TPR: variants seen among roughly 807,000 people sequenced by gnomAD.
TPR encodes the protein nucleoprotein TPR.
TPR carries 51 observed loss-of-function variants against 316.1 expected under a neutral mutation model. The observed-to-expected ratio is 0.16, with a 90% CI of 0.13 to 0.20. The LOEUF (loss-of-function observed/expected upper bound fraction) is 0.20, where lower values mean the gene tolerates loss of function less well. Among genes scored for constraint, TPR ranks in the 10% least tolerant of loss-of-function variants. TPR has a pLI of 1.00. For missense variants in TPR, 2,272 were observed against 2,754.8 expected, an observed-to-expected ratio of 0.82 and a Z score of 3.92; for synonymous variants, 981 against 914.7, an observed-to-expected ratio of 1.07 and a Z score of -1.31.
At chr1:186,351,299 C>A in intron 20 of TPR, 31 bp downstream of exon 20, 1 of 1,579,078 alleles carries the variant, frequency 6.3e-7, no homozygotes, top group South Asian at 1.2e-5. Flanking sequence ...CATAAACACC[C>A]TACAGAAATT....
In TPR at chr1:186,320,354, T is replaced by C; in HGVS notation, c.6526A>G (p.Ser2176Gly). Residue 2176 changes from serine to glycine, a missense_variant, in exon 46 of 51, where the codon AGT becomes GGT. By Grantham distance (56) the Ser-to-Gly change is moderately conservative. Coordinates refer to ENST00000367478, the MANE Select transcript of TPR (RefSeq NM_003292.3). ...FGPPEDMPQT[S>G]SSHSDLGQLA... ...TGGCCAAGATCAGAGTGACTAGAAC[T>C]TGTTTGTGGCATATCTTCAGGTGGC... The C allele has an allele frequency of 1.2e-6, 2 of 1,613,344 alleles. No homozygotes were observed. Among genetic ancestry groups the C allele is most frequent in the Non-Finnish European group, 1.7e-6 (2 of 1,179,526 alleles).
At chr1:186,332,141 A>T in intron 38 of TPR, 54 bp downstream of exon 38, 1 of 1,536,722 alleles carries the variant, frequency 6.5e-7, no homozygotes, top group South Asian at 1.3e-5. Context: ...AGCTGAAAAG[A>T]GTACCTTAAC....
At position 186,333,260 on chromosome 1, in the gene TPR, T is replaced by A; in HGVS notation, c.5317A>T (p.Thr1773Ser). 1 of 1,613,764 alleles carries A rather than the reference T, an allele frequency of 6.2e-7. No homozygotes were observed. Among genetic ancestry groups the A allele is most frequent in the Non-Finnish European group, 8.5e-7 (1 of 1,179,714 alleles). The change falls in exon 37 of 51, where the codon ACA becomes TCA. Residue 1773 changes from threonine (T) to serine (S), a missense_variant. By Grantham distance (58) the Thr-to-Ser change is moderately conservative (BLOSUM62 1). Transcript: ENST00000367478. The stretch of plus-strand genomic sequence containing the variant: ...TGTTGAGTGGGTTGCACAAAAGCTG[T>A]AGCCTGTGTTTGTTGCTGAACAGTT... ...ILTVQQQTQA[T>S]AFVQPTQQSH...
chr1:186,344,150 C>T, intron 25 of TPR, 60 bp from the exon 26 acceptor site: 3 of 1,545,274 alleles, frequency 1.9e-6, no homozygotes, highest in Non-Finnish European at 2.6e-6. Flanking sequence ...AAAAAAACAA[C>T]TTGGCCAGGC....
At chr1:186,344,926 C>CAT (rs1012561603) in intron 24 of TPR, among the ~76,000 whole-genome samples, 2 of 152,026 alleles carry the variant, frequency 1.3e-5, no homozygotes, top group African/African-American at 4.8e-5. Flanking sequence ...ATACACGTCA[C>CAT]ATATATATAG....
chr1:186,347,180 A>C (rs917808123), intron 22 of TPR, 112 bp downstream of exon 22: 2 of 1,160,496 alleles, frequency 1.7e-6, no homozygotes, highest in African/African-American at 3.1e-5. Context: ...GGTTAAAGGC[A>C]ATGACCCTGG....
At position 186,312,586 on chromosome 1, in the gene TPR, T is replaced by G; in HGVS notation, c.*1385A>C. The stretch of plus-strand genomic sequence containing the variant: ...AAGTAAAGCAGTTTGTTCAGGTTTG[T>G]TAGTTATAACCAATACTATTTATCA... On this transcript the variant is annotated 3_prime_UTR_variant, in exon 51 of 51. Coordinates refer to ENST00000367478, the MANE Select transcript of TPR (RefSeq NM_003292.3). 1.3e-6 allele frequency: 1 copy of G among 783,664 alleles called. No individual in the cohort carries two copies. The highest frequency in any genetic ancestry group is 2.0e-6 in the Non-Finnish European group (1 of 497,992). The allele number at this position is 783,664 out of a possible 1,614,324, so 48.5% of individuals were successfully genotyped here.
At chr1:186,371,430 A>G (rs1047632117) in intron 2 of TPR, among the ~76,000 whole-genome samples, 1 of 152,186 alleles carries the variant, frequency 6.6e-6, no homozygotes, top group Non-Finnish European at 1.5e-5. Context: ...AAGCATTTAA[A>G]CTATATAACA....
intron 33 of TPR, 102 bp from the exon 34 acceptor site, chr1:186,335,645 T>C: frequency 1.2e-6 from 1 of 857,422 alleles, no homozygotes; most frequent in Non-Finnish European, 1.8e-6. Context: ...TCTACTACTA[T>C]AACATCTACA....
Position 186,360,808 on chromosome 1 carries a change from T to C in TPR, c.1056A>G (p.Glu352=). The C allele has an allele frequency of 2.5e-6, 4 of 1,613,048 alleles. No individual in the cohort carries two copies. Among genetic ancestry groups the C allele is most frequent in the Non-Finnish European group, 3.4e-6 (4 of 1,179,322 alleles). ...MLEKIGRLEK[E]LENANDLLSA... ...AAAGAAGGTCATTTGCATTCTCTAA[T>C]TCCTTCTCCAATCTCCCTATTTTCT... The change falls in exon 10 of 51, where the codon GAA becomes GAG. Residue 352 remains glutamate (E), a synonymous_variant. Transcript: ENST00000367478.
chr1:186,344,195 G>A, intron 25 of TPR, 105 bp from the exon 26 acceptor site: 1 of 1,422,326 alleles, frequency 7.0e-7, no homozygotes, highest in Non-Finnish European at 9.4e-7. Flanking sequence ...GACTACTTGG[G>A]AGGCTGAGGC....
chr1:186,348,856 T>C (rs1392640463), intron 21 of TPR, among the ~76,000 whole-genome samples: 1 of 152,154 alleles, frequency 6.6e-6, no homozygotes, highest in African/African-American at 2.4e-5. Flanking sequence ...GTACATAAAA[T>C]AGGCAGAAAA....
At position 186,314,722 on chromosome 1, in the gene TPR, T is replaced by A; in HGVS notation, c.6943A>T (p.Thr2315Ser). 6.2e-7 allele frequency: 1 copy of A among 1,601,756 alleles called. No individual in the cohort carries two copies. The highest frequency in any genetic ancestry group is 1.3e-5 in the African/African-American group (1 of 74,446). The change falls in exon 50 of 51, where the codon ACT becomes TCT. Residue 2315 changes from threonine to serine, a missense_variant and splice_region_variant. By Grantham distance (58) the Thr-to-Ser change is moderately conservative. Coordinates refer to ENST00000367478, the MANE Select transcript of TPR (RefSeq NM_003292.3). Reference sequence around the variant, plus strand: ...AAAGGCTTTGGTTGACTACTACTAGTATCTAAGAAAAACATTAAGATAAAA... The same window carrying A: ...AAAGGCTTTGGTTGACTACTACTAGAATCTAAGAAAAACATTAAGATAAAA... ...QDPPSSSSVD[T>S]SSSQPKPFRR...
Position 186,360,894 on chromosome 1 carries a change from T to C in TPR, c.970A>G (p.Ile324Val). 6.2e-7 allele frequency: 1 copy of C among 1,605,366 alleles called. No individual in the cohort carries two copies. Among genetic ancestry groups the C allele is most frequent in the Non-Finnish European group, 8.5e-7 (1 of 1,177,238 alleles). Residue 324 changes from isoleucine to valine, a missense_variant, in exon 10 of 51, where the codon ATA (isoleucine) becomes GTA (valine). Around this residue, in one of 10 missense-constraint regions of TPR, gnomAD observed 549 missense variants for 598.6 expected, o/e 0.92. Coordinates refer to ENST00000367478, the MANE Select transcript of TPR (RefSeq NM_003292.3). ...TCCACCTCTAGAAGATGATCTTGTATTGCTTTGTTGGCTAAAAAACAATTT... is the reference window on the plus strand; with the variant it reads ...TCCACCTCTAGAAGATGATCTTGTACTGCTTTGTTGGCTAAAAAACAATTT... Reference protein sequence around the residue: ...LKEAGEANKAIQDHLLEVEQS... With the variant: ...LKEAGEANKAVQDHLLEVEQS...
chr1:186,335,722 C>T (rs1250491406), intron 33 of TPR, among the ~76,000 whole-genome samples, 179 bp from the exon 34 acceptor site: 2 of 152,034 alleles, frequency 1.3e-5, no homozygotes, highest in Non-Finnish European at 2.9e-5. Flanking sequence ...TAACTTATTA[C>T]TAGAATATAA....
chr1:186,352,227 T>G (rs941181367), intron 18 of TPR, 117 bp from the exon 19 acceptor site: 1 of 894,486 alleles, frequency 1.1e-6, no homozygotes, highest in African/African-American at 1.7e-5. Context: ...TCTTAGGGAC[T>G]ATATCTCCTC....
intron 45 of TPR, 40 bp from the exon 46 acceptor site, chr1:186,320,458 T>A: frequency 6.5e-7 from 1 of 1,547,440 alleles, no homozygotes; most frequent in South Asian, 1.2e-5. Context: ...AATTTAAAGT[T>A]AACCTATTTA....
At position 186,325,837 on chromosome 1, in the gene TPR, A is replaced by C; in HGVS notation, c.6039T>G (p.Asp2013Glu). The C allele has an allele frequency of 6.2e-7, 1 of 1,613,580 alleles. No homozygotes were observed. Among genetic ancestry groups the C allele is most frequent in the Non-Finnish European group, 8.5e-7 (1 of 1,179,712 alleles). Residue 2013 changes from aspartate (D) to glutamate (E), a missense_variant, in exon 42 of 51, where the codon GAT (aspartate) becomes GAG (glutamate). By Grantham distance (45) the Asp-to-Glu change is conservative. Around this residue, in one of 10 missense-constraint regions of TPR, gnomAD observed 435 missense variants for 461.1 expected, o/e 0.94. Coordinates refer to ENST00000367478, the MANE Select transcript of TPR (RefSeq NM_003292.3). Reference sequence around the variant, plus strand: ...TACTTTCTTCTGTTTCTGTACCTGGATCAGTCCCATCACCACCCTAAAAAC... The same window carrying C: ...TACTTTCTTCTGTTTCTGTACCTGGCTCAGTCCCATCACCACCCTAAAAAC... Reference protein sequence around the residue: ...ADDAEGGDGTDPGTETEESMG... With the variant: ...ADDAEGGDGTEPGTETEESMG...
chr1:186,343,997 C>T lies in TPR; in HGVS notation c.3511G>A (p.Val1171Ile), dbSNP rs200062723. The change falls in exon 26 of 51, where the codon GTT becomes ATT. Residue 1171 changes from valine to isoleucine, a missense_variant. Around this residue, in one of 10 missense-constraint regions of TPR, gnomAD observed 757 missense variants for 859.8 expected, o/e 0.88. Transcript: ENST00000367478. The stretch of plus-strand genomic sequence containing the variant: ...TGTACACCTTCCTTCACAGAGGCAA[C>T]GACCTTGTCACTTAATTTTTCGATC... ...DQIEKLSDKV[V>I]ASVKEGVQGP... is the part of the protein sequence containing the mutation. 610 of 1,614,122 alleles carry T rather than the reference C, an allele frequency of 3.8e-4. 3 individuals carry two copies. The highest frequency in any genetic ancestry group is 2.1e-3 in the South Asian group (194 of 91,076).
Sources: gnomAD v4.1 joint callset for allele counts (sites outside exome capture counted in the v4.1 genomes callset) on GRCh38, gnomAD v4.1.1 for gene constraint, gnomAD v4.1.1 regional missense constraint, MANE v1.5 for transcripts, NCBI Gene and HGNC (gene_info 2026-07-23, HGNC 2026-07-21) for gene names.